The following ATXN7 variants were observed in gnomAD, a reference collection of about 807,000 sequenced individuals.
ATXN7 encodes ataxin 7, also known as ataxin-7.
In ATXN7, 12 loss-of-function variants were observed where a neutral mutation model predicts 70.5. That is an observed-to-expected ratio of 0.17 (90% CI 0.11 to 0.28). The LOEUF is 0.28. Ranked by LOEUF, ATXN7 falls within the 10% of genes least tolerant of loss-of-function variation. ATXN7 has a pLI of 1.00. For missense variants in ATXN7, 1,256 were observed against 1,131.7 expected (o/e 1.11, Z -1.58); for synonymous variants, 498 against 448.7 (o/e 1.11, Z -1.39).
In ATXN7 at chr3:63,995,502, C is replaced by G; in HGVS notation, c.1683-3C>G. On this transcript the variant is annotated splice_region_variant and splice_polypyrimidine_tract_variant and intron_variant, in intron 11 of 12. Coordinates refer to ENST00000674280, the MANE Select transcript of ATXN7 (RefSeq NM_001377405.1). ...TCATTCACTGTCCTCTAATTTTTTT[C>G]AGGAAAATCCCACCAGTGCCCAGTA... 1 of 1,612,812 alleles carries G rather than the reference C, an allele frequency of 6.2e-7. No homozygotes were observed. Among genetic ancestry groups the G allele is most frequent in the Non-Finnish European group, 8.5e-7 (1 of 1,179,438 alleles).
chr3:63,913,515 T>A (rs1314711824), intron 4 of ATXN7, among the ~76,000 whole-genome samples: 1 of 152,202 alleles, frequency 6.6e-6, no homozygotes, highest in Non-Finnish European at 1.5e-5. Context: ...ATTTCTGACC[T>A]CCTTACGGAG....
chr3:63,938,042 C>G (rs2074695442), intron 4 of ATXN7, among the ~76,000 whole-genome samples: 1 of 152,172 alleles, frequency 6.6e-6, no homozygotes, highest in Admixed American at 6.5e-5. Context: ...GCACTCGAAA[C>G]AAATCTGGGA....
At chr3:63,951,133 CA>C (rs1483269773) in intron 4 of ATXN7, among the ~76,000 whole-genome samples, 1 of 152,104 alleles carries the variant, frequency 6.6e-6, no homozygotes, top group Non-Finnish European at 1.5e-5. Flanking sequence ...CTCGGTGCTG[CA>C]AGTACATCCC....
chr3:63,940,287 A>T (rs1295232999), intron 4 of ATXN7, among the ~76,000 whole-genome samples: 4 of 67,720 alleles, frequency 5.9e-5, no homozygotes, highest in Non-Finnish European at 1.3e-4. Flanking sequence ...ATGCCCCATC[A>T]CACACACACA....
chr3:63,913,295 G>C, intron 4 of ATXN7, 70 bp downstream of exon 4: 18 of 1,466,616 alleles, frequency 1.2e-5, no homozygotes, highest in Non-Finnish European at 1.7e-5. Flanking sequence ...CACTGGGACC[G>C]GGAACATCAG....
At chr3:63,952,664 A>G (rs2074974028) in intron 5 of ATXN7, among the ~76,000 whole-genome samples, 181 bp downstream of exon 5, 1 of 152,116 alleles carries the variant, frequency 6.6e-6, no homozygotes, top group Non-Finnish European at 1.5e-5. Flanking sequence ...ATTTTTATTA[A>G]AAGTGATAGG....
At chr3:63,878,538 C>A (rs1460508470) in intron 1 of ATXN7, 4 of 152,174 alleles carry the variant, frequency 2.6e-5, no homozygotes, top group Non-Finnish European at 5.9e-5. Flanking sequence ...AGAGAGATTG[C>A]TGATTTTACA....
At chr3:63,867,169 A>G (rs1323997304) in intron 1 of ATXN7, 2 of 152,170 alleles carry the variant, frequency 1.3e-5, no homozygotes, top group Non-Finnish European at 2.9e-5. Flanking sequence ...GTTGGTTTCA[A>G]GGGATTCCTG....
chr3:63,904,662 C>T (rs1431304111), intron 2 of ATXN7: 1 of 152,146 alleles, frequency 6.6e-6, no homozygotes, highest in Non-Finnish European at 1.5e-5. Flanking sequence ...GTTGTTTCCA[C>T]CTTTTGGCTT....
At chr3:63,893,875 T>C (rs1038484333) in intron 1 of ATXN7, among the ~76,000 whole-genome samples, 1 of 152,170 alleles carries the variant, frequency 6.6e-6, no homozygotes, top group Non-Finnish European at 1.5e-5. Context: ...TAAATTTGCT[T>C]TGCCAAGGAG....
intron 8 of ATXN7, 152 bp from the exon 9 acceptor site, chr3:63,987,907 T>C (rs114044696): frequency 2.3e-6 from 2 of 875,344 alleles, no homozygotes; most frequent in African/African-American, 1.7e-5. Context: ...AATAATGGGC[T>C]CTTAAGGTTT....
At chr3:63,925,376 G>A (rs1704675207) in intron 4 of ATXN7, among the ~76,000 whole-genome samples, 1 of 152,200 alleles carries the variant, frequency 6.6e-6, no homozygotes, top group Non-Finnish European at 1.5e-5. Flanking sequence ...ACAGCAGGAG[G>A]TAAGTGGGGG....
intron 5 of ATXN7, chr3:63,967,886 C>T: frequency 6.5e-7 from 1 of 1,535,756 alleles, no homozygotes; most frequent in Non-Finnish European, 8.7e-7. Context: ...AGCAAGTGTG[C>T]AATGAAGCAC....
intron 4 of ATXN7, among the ~76,000 whole-genome samples, chr3:63,934,805 T>C (rs2074627819): frequency 6.6e-6 from 1 of 152,230 alleles, no homozygotes. Context: ...CTTTAATTAA[T>C]GTAGAGTTTC....
chr3:63,913,082 G>A (rs1704120899), intron 3 of ATXN7, 75 bp from the exon 4 acceptor site: 2 of 1,523,074 alleles, frequency 1.3e-6, no homozygotes, highest in Non-Finnish European at 1.8e-6. Flanking sequence ...CCTACCCCGT[G>A]CGTGCGTGAG....
At chr3:63,994,287 T>C (rs1026833836) in intron 11 of ATXN7, among the ~76,000 whole-genome samples, 1 of 152,054 alleles carries the variant, frequency 6.6e-6, no homozygotes, top group Non-Finnish European at 1.5e-5. Flanking sequence ...GAGGCTGGAG[T>C]GCAGTAGTGT....
intron 4 of ATXN7, among the ~76,000 whole-genome samples, chr3:63,943,116 T>G (rs1228536726): frequency 6.6e-6 from 1 of 152,146 alleles, no homozygotes; most frequent in Non-Finnish European, 1.5e-5. Context: ...CTGCCTTAAA[T>G]TGGGTATTCA....
At chr3:63,912,465 T>G in intron 2 of ATXN7, 123 bp from the exon 3 acceptor site, 1 of 522,146 alleles carries the variant, frequency 1.9e-6, no homozygotes, top group Non-Finnish European at 2.5e-6. Flanking sequence ...TGGGCGGCCA[T>G]GGGGGCGCTG....
At chr3:63,969,590 G>T (rs1432324581) in intron 5 of ATXN7, among the ~76,000 whole-genome samples, 21 of 152,110 alleles carry the variant, frequency 1.4e-4, no homozygotes, top group Admixed American at 1.3e-3. Context: ...GATTGGAGTG[G>T]TTAACGGCAT....
Sources: allele counts gnomAD v4.1 joint callset (sites outside exome capture counted in the v4.1 genomes callset), GRCh38; gene constraint gnomAD v4.1.1; transcripts MANE v1.5; gene names NCBI Gene and HGNC (gene_info 2026-07-23, HGNC 2026-07-21).